Variants in GRID2 observed in about 807,000 individuals in gnomAD.
GRID2 encodes glutamate ionotropic receptor delta type subunit 2, also known as glutamate receptor ionotropic, delta-2.
GRID2 carries 33 observed loss-of-function variants against 114.8 expected under a neutral mutation model. That is an observed-to-expected ratio of 0.29 (90% CI 0.22 to 0.38). The LOEUF (loss-of-function observed/expected upper bound fraction) is 0.38. GRID2 is among the 10% of genes least tolerant of loss of function. GRID2 has a pLI of 1.00. For synonymous variants in GRID2, 505 were observed against 449.9 expected, an observed-to-expected ratio of 1.12 and a Z score of -1.55; for missense variants, 1,184 against 1,257.7, an observed-to-expected ratio of 0.94 and a Z score of 0.89.
At chr4:92,696,912 C>T (rs1277617894) in intron 2 of GRID2, among the ~76,000 whole-genome samples, 1 of 152,026 alleles carries the variant, frequency 6.6e-6, no homozygotes, top group African/African-American at 2.4e-5. Context: ...TAATAGACTC[C>T]ACACTTCTAA....
intron 2 of GRID2, among the ~76,000 whole-genome samples, chr4:92,797,750 T>G (rs1739961223): frequency 6.6e-6 from 1 of 151,930 alleles, no homozygotes; most frequent in African/African-American, 2.4e-5. Context: ...TTGTCACAAA[T>G]CTACAAAATA....
At chr4:93,342,070 T>C (rs1049327099) in intron 8 of GRID2, among the ~76,000 whole-genome samples, 4 of 152,164 alleles carry the variant, frequency 2.6e-5, no homozygotes, top group African/African-American at 9.7e-5. Flanking sequence ...AATCCATCTC[T>C]GTATAGCACT....
chr4:93,163,553 T>G (rs1360563121), intron 4 of GRID2, among the ~76,000 whole-genome samples: 1 of 148,616 alleles, frequency 6.7e-6, no homozygotes, highest in Non-Finnish European at 1.5e-5. Context: ...TGTGAATCAC[T>G]GCACTTGCCA....
chr4:93,023,949 C>G (rs1322564772), intron 2 of GRID2, among the ~76,000 whole-genome samples: 1 of 151,770 alleles, frequency 6.6e-6, no homozygotes, highest in Non-Finnish European at 1.5e-5. Context: ...AAACATTACT[C>G]TAGTGTTTTT....
chr4:93,514,158 T>G (rs1729463651), intron 12 of GRID2, among the ~76,000 whole-genome samples: 1 of 152,004 alleles, frequency 6.6e-6, no homozygotes, highest in South Asian at 2.1e-4. Context: ...GTCATTAGAG[T>G]TGGGCACCTA....
intron 2 of GRID2, among the ~76,000 whole-genome samples, chr4:92,850,117 A>G (rs1743660137): frequency 6.6e-6 from 1 of 151,296 alleles, no homozygotes; most frequent in African/African-American, 2.4e-5. Context: ...CTATTGAACT[A>G]TTAAAAGATC....
At chr4:93,546,303 G>A (rs1218834156) in intron 13 of GRID2, among the ~76,000 whole-genome samples, 1 of 152,128 alleles carries the variant, frequency 6.6e-6, no homozygotes, top group East Asian at 1.9e-4. Flanking sequence ...AGCTCAAGGT[G>A]TGCGCAGTGA....
chr4:92,558,487 A>G, intron 1 of GRID2, among the ~76,000 whole-genome samples: 1 of 152,280 alleles, frequency 6.6e-6, no homozygotes, highest in Admixed American at 6.5e-5. Context: ...CTTTTAATCT[A>G]CTTGAAATTC....
intron 7 of GRID2, among the ~76,000 whole-genome samples, chr4:93,236,165 T>G (rs1746768013): frequency 6.6e-6 from 1 of 152,088 alleles, no homozygotes; most frequent in Admixed American, 6.6e-5. Flanking sequence ...TTGGAGATAC[T>G]AATGATAATA....
chr4:92,922,305 A>AT (rs1749425377), intron 2 of GRID2, among the ~76,000 whole-genome samples: 1 of 152,102 alleles, frequency 6.6e-6, no homozygotes, highest in Admixed American at 6.5e-5. Flanking sequence ...TGGTGAGGCA[A>AT]TGACTCACCC....
At chr4:93,295,026 A>G (rs1754146576) in intron 8 of GRID2, among the ~76,000 whole-genome samples, 1 of 152,206 alleles carries the variant, frequency 6.6e-6, no homozygotes, top group African/African-American at 2.4e-5. Context: ...GTCCTTTACT[A>G]AGAAAGGGAA....
At chr4:92,475,688 TA>T (rs1314447923) in intron 1 of GRID2, among the ~76,000 whole-genome samples, 1 of 152,056 alleles carries the variant, frequency 6.6e-6, no homozygotes, top group Non-Finnish European at 1.5e-5. Flanking sequence ...ATTTTAGGAT[TA>T]TTTTTTAATT....
At chr4:92,748,827 A>G (rs1318569344) in intron 2 of GRID2, among the ~76,000 whole-genome samples, 2 of 150,660 alleles carry the variant, frequency 1.3e-5, no homozygotes, top group Non-Finnish European at 3.0e-5. Flanking sequence ...AAGCCCTGCT[A>G]ATTTTTTTGT....
intron 11 of GRID2, among the ~76,000 whole-genome samples, chr4:93,487,518 G>A (rs900558148): frequency 6.6e-6 from 1 of 151,758 alleles, no homozygotes; most frequent in East Asian, 2.0e-4. Context: ...TTTCTCTGGT[G>A]ATTTTCTTTG....
At chr4:93,286,631 C>G (rs1318922669) in intron 8 of GRID2, among the ~76,000 whole-genome samples, 1 of 151,712 alleles carries the variant, frequency 6.6e-6, no homozygotes, top group Non-Finnish European at 1.5e-5. Context: ...CCATCACCTC[C>G]GGAAACTTCA....
chr4:92,797,042 A>C (rs571267697), intron 2 of GRID2, among the ~76,000 whole-genome samples: 1 of 151,894 alleles, frequency 6.6e-6, no homozygotes, highest in South Asian at 2.1e-4. Flanking sequence ...TGATAGATTC[A>C]TTTATCTTGA....
intron 4 of GRID2, among the ~76,000 whole-genome samples, chr4:93,117,723 T>C (rs1041518366): frequency 6.6e-6 from 1 of 152,166 alleles, no homozygotes; most frequent in African/African-American, 2.4e-5. Flanking sequence ...AAAGTGCTGG[T>C]CTAGTGTCCC....
At chr4:93,164,104 A>G (rs1416867220) in intron 4 of GRID2, among the ~76,000 whole-genome samples, 8 of 151,900 alleles carry the variant, frequency 5.3e-5, no homozygotes, top group Non-Finnish European at 1.0e-4. Flanking sequence ...TAGGGCCTTA[A>G]TGTATTCTGG....
At chr4:93,353,033 G>A (rs1293643681) in intron 8 of GRID2, among the ~76,000 whole-genome samples, 1 of 152,018 alleles carries the variant, frequency 6.6e-6, no homozygotes, top group African/African-American at 2.4e-5. Flanking sequence ...TTGTGTCTGG[G>A]TGAGATTCAA....
Sources: allele counts gnomAD v4.1 joint callset (sites outside exome capture counted in the v4.1 genomes callset), GRCh38; gene constraint gnomAD v4.1.1; transcripts MANE v1.5; gene names NCBI Gene and HGNC (gene_info 2026-07-23, HGNC 2026-07-21).